EXT2: variants seen among roughly 807,000 people sequenced by gnomAD.
EXT2 encodes the protein exostosin glycosyltransferase 2.
In EXT2, 53 loss-of-function variants were observed where a neutral mutation model predicts 81.6. That is an observed-to-expected ratio of 0.65 (90% CI 0.52 to 0.82). The LOEUF is 0.82. Ranked by LOEUF, EXT2 falls within the 40% of genes least tolerant of loss-of-function variation. The probability of loss-of-function intolerance (pLI) is 0.00; values close to 1 mark genes in which losing one functional copy is unlikely to be tolerated. For missense variants in EXT2, 774 were observed against 910.2 expected (o/e 0.85, Z 1.93); for synonymous variants, 320 against 340.0 (o/e 0.94, Z 0.65).
At chr11:44,169,088 T>G (rs901472597) in intron 7 of EXT2, among the ~76,000 whole-genome samples, 2 of 151,778 alleles carry the variant, frequency 1.3e-5, no homozygotes, top group African/African-American at 4.8e-5. Context: ...GGCGTGGTGG[T>G]GCGTGCCTGT....
chr11:44,185,990 G>A (rs1955305732), intron 8 of EXT2, among the ~76,000 whole-genome samples: 2 of 152,130 alleles, frequency 1.3e-5, no homozygotes, highest in African/African-American at 4.8e-5. Context: ...GAACATTGTT[G>A]GACACTTTGT....
chr11:44,229,672 CTG>C (rs1955876319), intron 10 of EXT2, among the ~76,000 whole-genome samples: 1 of 152,244 alleles, frequency 6.6e-6, no homozygotes, highest in Non-Finnish European at 1.5e-5. Flanking sequence ...GGAATTAGGA[CTG>C]TGGTCTTCAC....
intron 10 of EXT2, among the ~76,000 whole-genome samples, chr11:44,210,306 C>T (rs1446572825): frequency 6.6e-6 from 1 of 152,166 alleles, no homozygotes; most frequent in African/African-American, 2.4e-5. Flanking sequence ...TAGAATATGG[C>T]TCAGTAATAA....
rs527907408 is a variant in EXT2, at chr11:44,233,972, T to G, written c.1807-143T>G. 2.8e-3 allele frequency: 3,311 copies of G among 1,190,244 alleles called. 14 individuals carry two copies. The highest frequency in any genetic ancestry group is 3.2e-3 in the Non-Finnish European group (2,661 of 835,608). The allele number at this position is 1,190,244 out of a possible 1,614,324, so 73.7% of individuals were successfully genotyped here. A position where few individuals can be genotyped will look rare whatever the true frequency, so the allele number is the denominator to read the frequency against. On this transcript the variant is annotated intron_variant, in intron 11 of 13. Transcript: ENST00000533608. ...TGACCAAAAGCATTCTAATGCCTCC[T>G]TTTACCCTTCCTATTAATACAGCCT...
chr11:44,135,801 C>T (rs1447178258), intron 7 of EXT2, among the ~76,000 whole-genome samples: 1 of 152,178 alleles, frequency 6.6e-6, no homozygotes, highest in African/African-American at 2.4e-5. Flanking sequence ...GGCAGAATTC[C>T]TCAGTTCAGA....
At chr11:44,103,775 G>A (rs1202781798) in intron 1 of EXT2, 1 of 328,280 alleles carries the variant, frequency 3.0e-6, no homozygotes, top group Non-Finnish European at 5.9e-6. Context: ...ATTTTTCCAT[G>A]TTATCTGAGT....
chr11:44,179,686 A>C (rs1001890335), intron 8 of EXT2, among the ~76,000 whole-genome samples: 1 of 152,240 alleles, frequency 6.6e-6, no homozygotes, highest in Non-Finnish European at 1.5e-5. Context: ...ATTAAGTATT[A>C]TAACCTCAAG....
chr11:44,097,083 C>T (rs1009783218), intron 1 of EXT2, among the ~76,000 whole-genome samples: 3 of 152,178 alleles, frequency 2.0e-5, no homozygotes, highest in African/African-American at 7.2e-5. Context: ...AATATTGGGC[C>T]AGGTACTTAA....
intron 7 of EXT2, among the ~76,000 whole-genome samples, chr11:44,155,864 G>A (rs1954849623): frequency 6.6e-6 from 1 of 152,066 alleles, no homozygotes; most frequent in Non-Finnish European, 1.5e-5. Context: ...CTTATTGCTT[G>A]TTAACATCCT....
intron 7 of EXT2, among the ~76,000 whole-genome samples, chr11:44,165,222 G>C (rs1236905276): frequency 1.3e-5 from 2 of 152,154 alleles, no homozygotes; most frequent in African/African-American, 2.4e-5. Context: ...TTTTAGGGGA[G>C]AAAAAGCCAT....
chr11:44,142,571 T>A (rs906355324), intron 7 of EXT2, among the ~76,000 whole-genome samples: 3 of 152,222 alleles, frequency 2.0e-5, no homozygotes, highest in African/African-American at 7.2e-5. Flanking sequence ...ATGTTTGAAG[T>A]CTATCTATAC....
intron 7 of EXT2, among the ~76,000 whole-genome samples, chr11:44,137,808 A>G (rs1954591573): frequency 1.3e-5 from 2 of 152,230 alleles, no homozygotes; most frequent in Admixed American, 6.5e-5. Flanking sequence ...CAGTTAAATA[A>G]ATATGGATTA....
chr11:44,194,933 G>T (rs534257437), intron 8 of EXT2, among the ~76,000 whole-genome samples: 1 of 152,254 alleles, frequency 6.6e-6, no homozygotes, highest in African/African-American at 2.4e-5. Flanking sequence ...GATTAATTAT[G>T]ACTTAAATAT....
At chr11:44,115,524 G>A (rs528959882) in intron 4 of EXT2, among the ~76,000 whole-genome samples, 1 of 152,206 alleles carries the variant, frequency 6.6e-6, no homozygotes, top group South Asian at 2.1e-4. Context: ...GAATCTCAGT[G>A]AGCTTTAAAC....
At position 44,245,556 on chromosome 11, in the gene EXT2, T is replaced by C. The variant is rs1399608620; in HGVS notation, c.*1269T>C. On this transcript the variant is annotated 3_prime_UTR_variant, in exon 14 of 14. Coordinates refer to ENST00000533608, the MANE Select transcript of EXT2 (RefSeq NM_207122.2). ...TTAAGATTAGCCACAGTTTGGGCTT[T>C]AGCCACAACATATGTCCCCAAAACA... 1 of 175,210 alleles carries C rather than the reference T, an allele frequency of 5.7e-6. No individual in the cohort carries two copies. Among genetic ancestry groups the C allele is most frequent in the Non-Finnish European group, 1.2e-5 (1 of 81,274 alleles). The allele number at this position is 175,210 out of a possible 1,614,324, so 10.9% of individuals were successfully genotyped here.
At chr11:44,179,484 G>A (rs189370680) in intron 8 of EXT2, among the ~76,000 whole-genome samples, 9 of 152,298 alleles carry the variant, frequency 5.9e-5, no homozygotes, top group East Asian at 1.9e-4. Flanking sequence ...TTCAGAGTCC[G>A]TGGGAGCTTG....
Position 44,244,499 on chromosome 11 carries a change from C to T in EXT2, c.*212C>T. 1 of 570,884 alleles carries T rather than the reference C, an allele frequency of 1.8e-6. No individual in the cohort carries two copies. The highest frequency in any genetic ancestry group is 3.1e-6 in the Non-Finnish European group (1 of 318,686). The allele number at this position is 570,884 out of a possible 1,614,324, so 35.4% of individuals were successfully genotyped here. A position where few individuals can be genotyped will look rare whatever the true frequency, so the allele number is the denominator to read the frequency against. On this transcript the variant is annotated 3_prime_UTR_variant, in exon 14 of 14. Coordinates refer to ENST00000533608, the MANE Select transcript of EXT2 (RefSeq NM_207122.2). ...CTATGCAACCTCTGTTCTTGTATTT[C>T]TTATGATCTCTGATGGGTTCTTCTC...
intron 7 of EXT2, among the ~76,000 whole-genome samples, chr11:44,155,290 G>A (rs888949828): frequency 1.3e-5 from 2 of 151,946 alleles, no homozygotes; most frequent in Non-Finnish European, 2.9e-5. Context: ...GTGAGAGATA[G>A]GTACCTAGTT....
chr11:44,138,656 T>C (rs1354775812), intron 7 of EXT2, among the ~76,000 whole-genome samples: 3 of 152,090 alleles, frequency 2.0e-5, no homozygotes, highest in Non-Finnish European at 4.4e-5. Flanking sequence ...GCATAAAATG[T>C]ATTTGTGTAT....
Sources: allele counts gnomAD v4.1 joint callset (sites outside exome capture counted in the v4.1 genomes callset), GRCh38; gene constraint gnomAD v4.1.1; transcripts MANE v1.5; gene names NCBI Gene and HGNC (gene_info 2026-07-23, HGNC 2026-07-21).